The following IPPK variants were observed in gnomAD, a reference collection of about 807,000 sequenced individuals.
IPPK encodes inositol-pentakisphosphate 2-kinase, also known as IPK1 homolog.
A neutral mutation model predicts 64.6 loss-of-function variants in IPPK; 22 were observed. That is an observed-to-expected ratio of 0.34 (90% confidence interval 0.24 to 0.49). The LOEUF is 0.49. IPPK is among the 20% of genes least tolerant of loss of function. The pLI, the probability that IPPK is intolerant of heterozygous loss-of-function variation, is 0.99. For synonymous variants in IPPK, 262 were observed against 247.2 expected, an observed-to-expected ratio of 1.06 and a Z score of -0.56; for missense variants, 532 against 630.7, an observed-to-expected ratio of 0.84 and a Z score of 1.68.
rs183068283 is a variant in IPPK, at chr9:92,628,904, T to C, written c.1170+5482A>G. Among the ~76,000 whole-genome samples the C allele has an allele frequency of 2.2e-4, 33 of 151,648 alleles. No individual in the cohort carries two copies. In the East Asian group the frequency reaches 5.0e-3, roughly 23 times the overall value. ...CAAAAAAAAAACAAAAAAATGGTGC[T>C]GGGACAACTGTATATCTACATGCAA... is the stretch of plus-strand genomic sequence containing the variant. On this transcript the variant is annotated intron_variant, in intron 11 of 12. Transcript: ENST00000287996.
chr9:92,617,146 G>A (rs899185808), intron 12 of IPPK: 1 of 152,216 alleles, frequency 6.6e-6, no homozygotes, highest in Admixed American at 6.5e-5. Context: ...AAGGTCATGA[G>A]TCTCGCTCCA....
In IPPK at chr9:92,615,976, G is replaced by A. The variant is rs1851416384; in HGVS notation, c.1332C>T (p.Pro444=). The A allele has an allele frequency of 6.2e-7, 1 of 1,614,036 alleles. No homozygotes were observed. The highest frequency in any genetic ancestry group is 1.3e-5 in the African/African-American group (1 of 74,910). ...SVSVLDLDLK[P]YESIPHQYKL... Reference sequence around the variant, plus strand: ...TATACTGATGGGGAATGCTCTCGTAGGGCTTGAGGTCAAGGTCCAGCACAG... The same window carrying A: ...TATACTGATGGGGAATGCTCTCGTAAGGCTTGAGGTCAAGGTCCAGCACAG... Residue 444 remains proline (P), a synonymous_variant, in exon 13 of 13, where the codon CCC becomes CCT. Coordinates refer to ENST00000287996, the MANE Select transcript of IPPK (RefSeq NM_022755.6).
In IPPK at chr9:92,613,516, C is replaced by A. The variant is rs887580581; in HGVS notation, c.*2316G>T. The A allele has an allele frequency of 8.4e-6, 2 of 238,360 alleles. No individual in the cohort carries two copies. The highest frequency in any genetic ancestry group is 2.3e-5 in the African/African-American group (1 of 44,354). 14.8% of individuals were successfully genotyped at this position (238,360 alleles called of 1,614,324 possible). A position where few individuals can be genotyped will look rare whatever the true frequency, so the allele number is the denominator to read the frequency against. On this transcript the variant is annotated 3_prime_UTR_variant, in exon 13 of 13. Coordinates refer to ENST00000287996, the MANE Select transcript of IPPK (RefSeq NM_022755.6). ...ACATTACTCAGCTGGGAGAAGCCACCCTTATCCTGGTTCCTGCCTCCTGGG... is the reference window on the plus strand; with the variant it reads ...ACATTACTCAGCTGGGAGAAGCCACACTTATCCTGGTTCCTGCCTCCTGGG...
chr9:92,638,268 T>A lies in IPPK; in HGVS notation c.649A>T (p.Ile217Phe). The A allele has an allele frequency of 6.2e-7, 1 of 1,613,152 alleles. No homozygotes were observed. Among genetic ancestry groups the A allele is most frequent in the Non-Finnish European group, 8.5e-7 (1 of 1,179,274 alleles). Residue 217 changes from isoleucine to phenylalanine, a missense_variant, in exon 9 of 13, where the codon ATT becomes TTT. Physicochemically the swap from Ile to Phe is conservative, Grantham distance 21 (BLOSUM62 0). Coordinates refer to ENST00000287996, the MANE Select transcript of IPPK (RefSeq NM_022755.6). ...CTCCGGGCATCTTTGCAGCCGTAAATCAGCTCACCATTCTTCAGACAGGGA... is the reference window on the plus strand; with the variant it reads ...CTCCGGGCATCTTTGCAGCCGTAAAACAGCTCACCATTCTTCAGACAGGGA... ...NLKIFKNGEL[I>F]YGCKDARSPV...
At chr9:92,641,403 C>A (rs930575909) in intron 7 of IPPK, among the ~76,000 whole-genome samples, 1 of 152,132 alleles carries the variant, frequency 6.6e-6, no homozygotes, top group African/African-American at 2.4e-5. Context: ...CATCCAGTAT[C>A]CACGCACTCT....
intron 1 of IPPK, among the ~76,000 whole-genome samples, chr9:92,662,651 G>C (rs868580542): frequency 9.9e-5 from 15 of 152,260 alleles, no homozygotes; most frequent in African/African-American, 3.1e-4. Context: ...ACACCTTTAT[G>C]TCTTGGTAAC....
chr9:92,623,657 C>G (rs2131421620), intron 11 of IPPK, among the ~76,000 whole-genome samples: 1 of 152,256 alleles, frequency 6.6e-6, no homozygotes, highest in East Asian at 1.9e-4. Context: ...TGAGAAGGTA[C>G]TTAATCTCAT....
At chr9:92,628,766 A>G (rs778052330) in intron 11 of IPPK, among the ~76,000 whole-genome samples, 2 of 152,170 alleles carry the variant, frequency 1.3e-5, no homozygotes, top group Non-Finnish European at 2.9e-5. Context: ...AGTCCCAGCT[A>G]CTTAGGAGGC....
chr9:92,637,833 C>T (rs1255879813), intron 9 of IPPK, among the ~76,000 whole-genome samples, 168 bp downstream of exon 9: 5 of 152,228 alleles, frequency 3.3e-5, no homozygotes, highest in Non-Finnish European at 5.9e-5. Context: ...GAGTCTGCAT[C>T]TGGGGGTGAG....
chr9:92,634,533 G>A (rs564813325), intron 10 of IPPK, 45 bp from the exon 11 acceptor site: 2 of 1,420,284 alleles, frequency 1.4e-6, no homozygotes, highest in South Asian at 1.1e-5. Flanking sequence ...AAGCCGCACG[G>A]AGGTTGTTTC....
At position 92,642,802 on chromosome 9, in the gene IPPK, A is replaced by T. The variant is rs779140820; in HGVS notation, c.513T>A (p.Thr171=). ...YCMHQHLKVA[T]GKWKQISKYC... is the part of the protein sequence containing the mutation. ...ATTTGCTGATCTGCTTCCACTTCCC[A>T]GTTGCTACCTGTGAAAACACCAACA... The change falls in exon 7 of 13, where the codon ACT becomes ACA. Residue 171 remains threonine, a synonymous_variant. Coordinates refer to ENST00000287996, the MANE Select transcript of IPPK (RefSeq NM_022755.6). 1.9e-6 allele frequency: 3 copies of T among 1,614,086 alleles called. No individual in the cohort carries two copies. Among genetic ancestry groups the T allele is most frequent in the Non-Finnish European group, 2.5e-6 (3 of 1,179,894 alleles).
In IPPK at chr9:92,652,575, G is replaced by T; in HGVS notation, c.290C>A (p.Pro97Gln). Residue 97 changes from proline to glutamine, a missense_variant and splice_region_variant, in exon 4 of 13, where the codon CCA becomes CAA. Transcript: ENST00000287996. ...QLCLKIQSERPESRCDKDLDT... is the reference protein window; with the variant it reads ...QLCLKIQSERQESRCDKDLDT... ...ATCTGTAAGTTAAACACCCTTACCT[G>T]GTCTTTCAGATTGTATCTTTAAACA... 6.5e-7 allele frequency: 1 copy of T among 1,532,750 alleles called. No homozygotes were observed. The highest frequency in any genetic ancestry group is 8.9e-7 in the Non-Finnish European group (1 of 1,118,804). The allele number at this position is 1,532,750 out of a possible 1,614,324, so 94.9% of individuals were successfully genotyped here.
Position 92,616,056 on chromosome 9 carries a change from A to G in IPPK, c.1252T>C (p.Ser418Pro), listed in dbSNP as rs1420913516. 2 of 1,611,504 alleles carry G rather than the reference A, an allele frequency of 1.2e-6. No individual in the cohort carries two copies. Among genetic ancestry groups the G allele is most frequent in the Non-Finnish European group, 1.7e-6 (2 of 1,178,128 alleles). ...ALSPCLQDAS[S>P]DQRPVVPSSR... The stretch of plus-strand genomic sequence containing the variant: ...GAAGGGACGACAGGCCTTTGATCAG[A>G]GCTGCAAGTAAAAAGTACCATTTCA... Residue 418 changes from serine (S) to proline (P), a missense_variant and splice_region_variant, in exon 13 of 13, where the codon TCT (serine) becomes CCT (proline). Coordinates refer to ENST00000287996, the MANE Select transcript of IPPK (RefSeq NM_022755.6).
At chr9:92,653,708 G>T (rs1852314337) in intron 3 of IPPK, among the ~76,000 whole-genome samples, 2 of 152,144 alleles carry the variant, frequency 1.3e-5, no homozygotes, top group South Asian at 4.1e-4. Context: ...AATTAGCCGG[G>T]TGTGGTGGCG....
rs749920779 is a variant in IPPK, at chr9:92,616,093, C to T, written c.1251-36G>A. ...AAAGTACCATTTCAGGATACACAAG[C>T]CCCCCATTCATTTCCCTCCCTCCCG... On this transcript the variant is annotated intron_variant, in intron 12 of 12. Transcript: ENST00000287996. The T allele has an allele frequency of 1.5e-5, 22 of 1,438,444 alleles. No homozygotes were observed. The South Asian group carries it at 2.5e-4, about 16-fold the overall frequency. 89.1% of individuals were successfully genotyped at this position (1,438,444 alleles called of 1,614,324 possible). A position where few individuals can be genotyped will look rare whatever the true frequency, so the allele number is the denominator to read the frequency against.
At chr9:92,658,960 C>G (rs775251894) in intron 1 of IPPK, among the ~76,000 whole-genome samples, 1 of 152,164 alleles carries the variant, frequency 6.6e-6, no homozygotes, top group Non-Finnish European at 1.5e-5. Flanking sequence ...AAATGCCCAA[C>G]AATAATGAGA....
At chr9:92,622,973 G>A (rs1851670003) in intron 11 of IPPK, among the ~76,000 whole-genome samples, 2 of 152,102 alleles carry the variant, frequency 1.3e-5, no homozygotes, top group African/African-American at 4.8e-5. Context: ...ATCAGTTTCA[G>A]ACAGTCACCC....
Position 92,635,716 on chromosome 9 carries a change from T to G in IPPK, c.917-408A>C, listed in dbSNP as rs1374763648. On this transcript the variant is annotated intron_variant, in intron 9 of 12. Transcript: ENST00000287996. This position sits in a 1 kb window ranked among gnomAD's most constrained non-coding sequence, Gnocchi z 4.4. ...CACAAAATTTCTTCTTTTTCTTTTC[T>G]TTTTTTTTTTTGAGACAGAGTCTTG... Among the ~76,000 whole-genome samples the G allele has an allele frequency of 6.9e-6, 1 of 144,660 alleles. No individual in the cohort carries two copies. Among genetic ancestry groups the G allele is most frequent in the Non-Finnish European group, 1.5e-5 (1 of 65,902 alleles). 94.9% of individuals were successfully genotyped at this position (144,660 alleles called of 152,430 possible). A position where few individuals can be genotyped will look rare whatever the true frequency, so the allele number is the denominator to read the frequency against.
chr9:92,650,285 G>A (rs982220229), intron 4 of IPPK, among the ~76,000 whole-genome samples: 3 of 151,474 alleles, frequency 2.0e-5, no homozygotes, highest in African/African-American at 7.3e-5. Context: ...CAGATTGTGC[G>A]CCACTGCACT....
Sources: gnomAD v4.1 joint callset for allele counts (sites outside exome capture counted in the v4.1 genomes callset) on GRCh38, gnomAD v4.1.1 for gene constraint, Gnocchi (gnomAD v3.1) non-coding constraint, MANE v1.5 for transcripts, NCBI Gene and HGNC (gene_info 2026-07-23, HGNC 2026-07-21) for gene names.